The following GPR78 variants were observed in gnomAD, a reference collection of about 807,000 sequenced individuals.
The protein encoded by GPR78 is G protein-coupled receptor 78.
GPR78 carries 29 observed loss-of-function variants against 17.9 expected under a neutral mutation model. That is an observed-to-expected ratio of 1.62 (90% CI 1.20 to 2.21). The LOEUF is 2.21. Among genes scored for constraint, GPR78 ranks in the 30% most tolerant of loss-of-function variants. GPR78 has a pLI of 0.00. For synonymous variants in GPR78, 349 were observed against 256.9 expected (o/e 1.36, Z -3.43); for missense variants, 649 against 530.5 (o/e 1.22, Z -2.19).
chr4:8,580,829 C>T lies in GPR78; in HGVS notation c.-154C>T, dbSNP rs1273001564. On this transcript the variant is annotated 5_prime_UTR_variant, in exon 1 of 3. Coordinates refer to ENST00000382487, the MANE Select transcript of GPR78 (RefSeq NM_080819.5). ...GCCCCGGACCCTGCACTTGCCGCCG[C>T]TTTCCTCGCGCTGCTCTGGACCTTG... 1 of 766,622 alleles carries T rather than the reference C, an allele frequency of 1.3e-6. No homozygotes were observed. Among genetic ancestry groups the T allele is most frequent in the Non-Finnish European group, 2.0e-6 (1 of 496,908 alleles). The allele number at this position is 766,622 out of a possible 1,614,324, so 47.5% of individuals were successfully genotyped here. A position where few individuals can be genotyped will look rare whatever the true frequency, so the allele number is the denominator to read the frequency against.
Position 8,582,576 on chromosome 4 carries a change from C to G in GPR78, c.714C>G (p.Arg238=), listed in dbSNP as rs35460303. Residue 238 remains arginine, a synonymous_variant, in exon 2 of 3, where the codon CGC becomes CGG. Transcript: ENST00000382487. The stretch of plus-strand genomic sequence containing the variant: ...TCCAGCAGAAGCGGCGCCGCCACCG[C>G]GCCACCAGGAAGATTGGCATTGCTA... ...CLIQQKRRRH[R]ATRKIGIAIA... 6.2e-6 allele frequency: 10 copies of G among 1,612,644 alleles called. No homozygotes were observed. The African/African-American group carries it at 1.2e-4, about 19-fold the overall frequency.
In GPR78 at chr4:8,584,226, T is replaced by TAC. The variant is rs1332799405; in HGVS notation, c.782+1582_782+1583insAC. Among the ~76,000 whole-genome samples the TAC allele has an allele frequency of 3.3e-5, 5 of 150,800 alleles. No individual in the cohort carries two copies. In the East Asian group the frequency reaches 9.7e-4, roughly 29 times the overall value. On this transcript the variant is annotated intron_variant, in intron 2 of 2. Coordinates refer to ENST00000382487, the MANE Select transcript of GPR78 (RefSeq NM_080819.5). Reference sequence around the variant, plus strand: ...AGTGAGACTGGCTTACTCAGCCATATTATGTTGATTCATGGGTGTAACTGT... The same window carrying TAC: ...AGTGAGACTGGCTTACTCAGCCATATACTATGTTGATTCATGGGTGTAACTGT...
At chr4:8,583,722 C>T (rs905666332) in intron 2 of GPR78, among the ~76,000 whole-genome samples, 1 of 152,198 alleles carries the variant, frequency 6.6e-6, no homozygotes, top group South Asian at 2.1e-4. Flanking sequence ...ACAGTTGTGT[C>T]CCAGGAACCC....
intron 1 of GPR78, among the ~76,000 whole-genome samples, chr4:8,582,110 C>T (rs1044011196): frequency 1.6e-4 from 25 of 152,104 alleles, no homozygotes; most frequent in African/African-American, 5.8e-4. Flanking sequence ...TAGCTGGTGT[C>T]GCCATTGTTC....
Position 8,581,258 on chromosome 4 carries a change from C to T in GPR78, c.276C>T (p.Asn92=), listed in dbSNP as rs903452056. ...TCCTGGACACCTTCCTGGCGTCCAACGCGGCGCTGAGCGTGGCGGCGCTGA... is the reference window on the plus strand; with the variant it reads ...TCCTGGACACCTTCCTGGCGTCCAATGCGGCGCTGAGCGTGGCGGCGCTGA... The part of the protein sequence containing the change: ...IGFLDTFLAS[N]AALSVAALSA... Residue 92 remains asparagine, a synonymous_variant, in exon 1 of 3, where the codon AAC becomes AAT. Coordinates refer to ENST00000382487, the MANE Select transcript of GPR78 (RefSeq NM_080819.5). 2 of 1,592,148 alleles carry T rather than the reference C, an allele frequency of 1.3e-6. No homozygotes were observed. Among genetic ancestry groups the T allele is most frequent in the African/African-American group, 1.3e-5 (1 of 74,796 alleles).
Position 8,587,059 on chromosome 4 carries a change from C to G in GPR78, c.788C>G (p.Ala263Gly), listed in dbSNP as rs200432305. 2 of 1,609,020 alleles carry G rather than the reference C, an allele frequency of 1.2e-6. No homozygotes were observed. Among genetic ancestry groups the G allele is most frequent in the Non-Finnish European group, 8.5e-7 (1 of 1,177,634 alleles). Residue 263 changes from alanine to glycine, a missense_variant, in exon 3 of 3, where the codon GCG becomes GGG. Ala to Gly is a moderately conservative substitution (Grantham distance 60). Transcript: ENST00000382487. ...CTGCTCCGCTTCCCCAACAGGCTGG[C>G]GGAGCTCGTGCCCTTCGTCACCGTG... ...CFAPYVMTRLAELVPFVTVNA... is the reference protein window; with the variant it reads ...CFAPYVMTRLGELVPFVTVNA...
chr4:8,587,111 G>T lies in GPR78; in HGVS notation c.840G>T (p.Lys280Asn). ...TVNAQWGILS[K>N]CLTYSKAVAD... Reference sequence around the variant, plus strand: ...ACGCCCAGTGGGGCATCCTCAGCAAGTGCCTGACCTACAGCAAGGCGGTGG... The same window carrying T: ...ACGCCCAGTGGGGCATCCTCAGCAATTGCCTGACCTACAGCAAGGCGGTGG... Residue 280 changes from lysine to asparagine, a missense_variant, in exon 3 of 3, where the codon AAG (lysine) becomes AAT (asparagine). Transcript: ENST00000382487. The T allele has an allele frequency of 6.2e-7, 1 of 1,613,358 alleles. No homozygotes were observed. Among genetic ancestry groups the T allele is most frequent in the Non-Finnish European group, 8.5e-7 (1 of 1,179,986 alleles).
In GPR78 at chr4:8,588,608, C is replaced by T. The variant is rs114823519; in HGVS notation, c.*1245C>T. Among the ~76,000 whole-genome samples the T allele has an allele frequency of 0.018, 2,680 of 152,324 alleles. 72 individuals are homozygous for T. Among genetic ancestry groups the T allele is most frequent in the African/African-American group, 0.06 (2,485 of 41,558 alleles). ...TCCCCTGCAGAGGTAGGGTGGGCTG[C>T]AAGACCTCAGGCCCCTGCCTCATGG... is the stretch of plus-strand genomic sequence containing the variant. On this transcript the variant is annotated 3_prime_UTR_variant, in exon 3 of 3. Coordinates refer to ENST00000382487, the MANE Select transcript of GPR78 (RefSeq NM_080819.5).
chr4:8,586,778 G>A (rs1048073154), intron 2 of GPR78, among the ~76,000 whole-genome samples: 18 of 152,182 alleles, frequency 1.2e-4, no homozygotes, highest in African/African-American at 4.3e-4. Context: ...GTGGGAGAAG[G>A]CCTTGGTGAC....
intron 2 of GPR78, among the ~76,000 whole-genome samples, chr4:8,584,926 A>G (rs1364486323): frequency 6.6e-6 from 1 of 152,264 alleles, no homozygotes; most frequent in Non-Finnish European, 1.5e-5. Flanking sequence ...CTGCATTGTT[A>G]GACTCTTCTG....
rs570226489 is a variant in GPR78 at position 8,581,625 on chromosome 4, G to A, written c.643G>A (p.Ala215Thr). The change falls in exon 1 of 3, where the codon GCG becomes ACG. Residue 215 changes from alanine (A) to threonine (T), a missense_variant. Physicochemically the swap from Ala to Thr is moderately conservative, Grantham distance 58. Transcript: ENST00000382487. ...GGACACCGTCACCATGAAGGCGCTCGCGCTGCTCGCCGACCTGCACCCCAG... is the reference window on the plus strand; with the variant it reads ...GGACACCGTCACCATGAAGGCGCTCACGCTGCTCGCCGACCTGCACCCCAG... ...RMDTVTMKALALLADLHPSVR... is the reference protein window; with the variant it reads ...RMDTVTMKALTLLADLHPSVR... The A allele has an allele frequency of 2.0e-6, 3 of 1,499,562 alleles. No homozygotes were observed. The highest frequency in any genetic ancestry group is 2.7e-6 in the Non-Finnish European group (3 of 1,129,356). The allele number at this position is 1,499,562 out of a possible 1,614,324, so 92.9% of individuals were successfully genotyped here.
intron 2 of GPR78, among the ~76,000 whole-genome samples, chr4:8,583,436 C>T (rs1015426491): frequency 6.6e-6 from 1 of 152,180 alleles, no homozygotes; most frequent in Non-Finnish European, 1.5e-5. Flanking sequence ...TCTGGGAGGT[C>T]TCCACCCTAT....
At chr4:8,582,441 C>G (rs143438158) in intron 1 of GPR78, 90 bp from the exon 2 acceptor site, 18,308 of 808,654 alleles carry the variant, frequency 0.023, 287 homozygotes, top group Non-Finnish European at 0.03. Flanking sequence ...TGAAACCCTC[C>G]TGTCTGCCCT....
rs1713679336 is a variant in GPR78, at chr4:8,589,792, C to T, written c.*2429C>T. ...GGGACTGCTTGCTGTCATGTTTCGC[C>T]TTCCTCGGCAGCTCCATGGAATGTT... is the stretch of plus-strand genomic sequence containing the variant. On this transcript the variant is annotated 3_prime_UTR_variant, in exon 3 of 3. Coordinates refer to ENST00000382487, the MANE Select transcript of GPR78 (RefSeq NM_080819.5). Among the ~76,000 whole-genome samples the T allele has an allele frequency of 6.6e-6, 1 of 152,212 alleles. No individual in the cohort carries two copies. The highest frequency in any genetic ancestry group is 1.5e-5 in the Non-Finnish European group (1 of 68,048).
Position 8,587,302 on chromosome 4 carries a change from C to G in GPR78, c.1031C>G (p.Ala344Gly), listed in dbSNP as rs200861387. Residue 344 changes from alanine (A) to glycine (G), a missense_variant, in exon 3 of 3, where the codon GCG becomes GGG. Transcript: ENST00000382487. ...HQLLKRTPRP[A>G]STHNGSVDTE... ...CTGCTGAAGAGAACCCCGCGCCCAGCGTCCACCCACAACGGCTCTGTGGAC... is the reference window on the plus strand; with the variant it reads ...CTGCTGAAGAGAACCCCGCGCCCAGGGTCCACCCACAACGGCTCTGTGGAC... 1 of 1,612,422 alleles carries G rather than the reference C, an allele frequency of 6.2e-7. No individual in the cohort carries two copies. The highest frequency in any genetic ancestry group is 1.7e-5 in the Admixed American group (1 of 60,014).
intron 1 of GPR78, 24 bp downstream of exon 1, chr4:8,581,674 A>G: frequency 7.0e-7 from 1 of 1,423,840 alleles, no homozygotes; most frequent in Non-Finnish European, 9.2e-7. Flanking sequence ...GCATGCCGAC[A>G]GGCCCAGGCC....
Position 8,582,549 on chromosome 4 carries a change from C to A in GPR78, c.687C>A (p.Leu229=). The A allele has an allele frequency of 6.2e-7, 1 of 1,609,470 alleles. No homozygotes were observed. The highest frequency in any genetic ancestry group is 8.5e-7 in the Non-Finnish European group (1 of 1,179,362). ...CCCACAGTGTGCGGCAGCGCTGCCT[C>A]ATCCAGCAGAAGCGGCGCCGCCACC... ...DLHPSVRQRC[L]IQQKRRRHRA... is the part of the protein sequence containing the mutation. Residue 229 remains leucine, a synonymous_variant, in exon 2 of 3, where the codon CTC becomes CTA. Transcript: ENST00000382487.
rs776504963 is a variant in GPR78 at position 8,587,379 on chromosome 4, C to T, written c.*16C>T. ...GACACACTGAGGGCCTGGCAGGGCTCATCGCCCCCACCTTCTAAGAAGCCC... is the reference window on the plus strand; with the variant it reads ...GACACACTGAGGGCCTGGCAGGGCTTATCGCCCCCACCTTCTAAGAAGCCC... On this transcript the variant is annotated 3_prime_UTR_variant, in exon 3 of 3. Coordinates refer to ENST00000382487, the MANE Select transcript of GPR78 (RefSeq NM_080819.5). 1.2e-6 allele frequency: 2 copies of T among 1,604,852 alleles called. No homozygotes were observed. The highest frequency in any genetic ancestry group is 2.2e-5 in the South Asian group (2 of 90,214).
rs34851111 is a variant in GPR78, at chr4:8,580,680, G to A, written c.-303G>A. On this transcript the variant is annotated 5_prime_UTR_variant, in exon 1 of 3. Transcript: ENST00000382487. Reference sequence around the variant, plus strand: ...CCCCGCGCCCCTGCGCCTCGCTTCAGCCTCAGGACAGTCCTGCCGGGACGG... The same window carrying A: ...CCCCGCGCCCCTGCGCCTCGCTTCAACCTCAGGACAGTCCTGCCGGGACGG... 1.8e-3 allele frequency: 835 copies of A among 462,652 alleles called. 5 individuals are homozygous for A. The highest frequency in any genetic ancestry group is 2.6e-3 in the Non-Finnish European group (689 of 265,254). The allele number at this position is 462,652 out of a possible 1,614,324, so 28.7% of individuals were successfully genotyped here. A position where few individuals can be genotyped will look rare whatever the true frequency, so the allele number is the denominator to read the frequency against.
Sources: allele counts gnomAD v4.1 joint callset (sites outside exome capture counted in the v4.1 genomes callset), GRCh38; gene constraint gnomAD v4.1.1; transcripts MANE v1.5; gene names NCBI Gene and HGNC (gene_info 2026-07-23, HGNC 2026-07-21).